CEMIP2: variants seen among roughly 807,000 people sequenced by gnomAD.
The protein encoded by CEMIP2 is cell surface hyaluronidase CEMIP2.
CEMIP2 carries 79 observed loss-of-function variants against 146.9 expected under a neutral mutation model. The ratio of observed to expected loss-of-function variants is 0.54; its 90% CI spans 0.45 to 0.65. The LOEUF is 0.65. Among genes scored for constraint, CEMIP2 ranks in the 30% least tolerant of loss-of-function variants. The pLI is 0.00. For missense variants in CEMIP2, 1,596 were observed against 1,696.2 expected (o/e 0.94, Z 1.04); for synonymous variants, 601 against 606.3 (o/e 0.99, Z 0.13).
rs1822181468 is a variant in CEMIP2 at position 71,690,114 on chromosome 9, A to C, written c.3829T>G (p.Leu1277Val). The C allele has an allele frequency of 5.6e-6, 9 of 1,614,102 alleles. No homozygotes were observed. The highest frequency in any genetic ancestry group is 7.6e-6 in the Non-Finnish European group (9 of 1,179,994). ...TACCTTGGAGGGATGCCTGTTTTTA[A>C]ATACTCTTCAATGCGACTGACATCA... is the stretch of plus-strand genomic sequence containing the variant. ...LADVSRIEEYLKTGIPPRSIV... is the reference protein window; with the variant it reads ...LADVSRIEEYVKTGIPPRSIV... The change falls in exon 22 of 24, where the codon TTA becomes GTA. Residue 1277 changes from leucine to valine, a missense_variant. Coordinates refer to ENST00000377044, the MANE Select transcript of CEMIP2 (RefSeq NM_013390.3).
chr9:71,746,248 C>G lies in CEMIP2; in HGVS notation c.425G>C (p.Arg142Pro), dbSNP rs200303233. 4 of 1,613,952 alleles carry G rather than the reference C, an allele frequency of 2.5e-6. No homozygotes were observed. Among genetic ancestry groups the G allele is most frequent in the Non-Finnish European group, 3.4e-6 (4 of 1,179,878 alleles). Residue 142 changes from arginine to proline, a missense_variant, in exon 3 of 24, where the codon CGT (arginine) becomes CCT (proline). Physicochemically the swap from Arg to Pro is moderately radical, Grantham distance 103. Transcript: ENST00000377044. Reference sequence around the variant, plus strand: ...ATGCACGGTGGCGTCTGAGGTCAGACGGAGCATATCTCCCTCCTTGATAAC... The same window carrying G: ...ATGCACGGTGGCGTCTGAGGTCAGAGGGAGCATATCTCCCTCCTTGATAAC... The part of the protein sequence containing the change: ...QVVIKEGDML[R>P]LTSDATVHSI...
At chr9:71,714,872 CT>C in intron 15 of CEMIP2, 61 bp downstream of exon 15, 1 of 1,549,982 alleles carries the variant, frequency 6.5e-7, no homozygotes, top group East Asian at 2.3e-5. Context: ...AGAAACTTCC[CT>C]GAGGGTTAGG....
chr9:71,760,201 G>A (rs1476095023), intron 1 of CEMIP2, among the ~76,000 whole-genome samples: 1 of 152,118 alleles, frequency 6.6e-6, no homozygotes, highest in African/African-American at 2.4e-5. Context: ...TAAATACTAA[G>A]AGTTTGCTTA....
At chr9:71,744,094 G>C (rs550331673) in intron 4 of CEMIP2, among the ~76,000 whole-genome samples, 1 of 152,324 alleles carries the variant, frequency 6.6e-6, no homozygotes, top group South Asian at 2.1e-4. Context: ...GCACAAGAAG[G>C]CTGGGTGTGG....
At chr9:71,742,011 G>A (rs187714615) in intron 4 of CEMIP2, among the ~76,000 whole-genome samples, 6 of 152,148 alleles carry the variant, frequency 3.9e-5, no homozygotes, top group Admixed American at 2.6e-4. Flanking sequence ...AGCAATCAAC[G>A]CAAAGGGACA....
At chr9:71,747,439 C>G (rs145477496) in intron 2 of CEMIP2, among the ~76,000 whole-genome samples, 111 of 152,258 alleles carry the variant, frequency 7.3e-4, no homozygotes, top group African/African-American at 2.6e-3. Context: ...GAACAGGTGA[C>G]TTGAGAGCTG....
intron 1 of CEMIP2, among the ~76,000 whole-genome samples, chr9:71,756,318 C>T (rs971187573): frequency 1.4e-5 from 2 of 146,222 alleles, no homozygotes; most frequent in Non-Finnish European, 3.0e-5. Flanking sequence ...TATATATGTG[C>T]GTGTGTATGT....
chr9:71,709,439 G>C lies in CEMIP2; in HGVS notation c.2805C>G (p.Pro935=), dbSNP rs1245119282. The part of the protein sequence containing the change: ...SLNVFFGKPG[P]WFEDCEMDGD... ...CATCCATCTCACAATCTTCAAACCA[G>C]GGACCAGGCTTTCCAAAAAAGACAT... The change falls in exon 17 of 24, where the codon CCC becomes CCG. Residue 935 remains proline (P), a synonymous_variant. Coordinates refer to ENST00000377044, the MANE Select transcript of CEMIP2 (RefSeq NM_013390.3). 6.2e-7 allele frequency: 1 copy of C among 1,614,042 alleles called. No individual in the cohort carries two copies. Among genetic ancestry groups the C allele is most frequent in the Non-Finnish European group, 8.5e-7 (1 of 1,180,028 alleles).
intron 16 of CEMIP2, among the ~76,000 whole-genome samples, chr9:71,710,016 A>G (rs1822862447): frequency 6.6e-6 from 1 of 152,220 alleles, no homozygotes; most frequent in Non-Finnish European, 1.5e-5. Context: ...AAATAAACAG[A>G]TAAGTACAGG....
At chr9:71,709,504 A>G in intron 16 of CEMIP2, 30 bp from the exon 17 acceptor site, 1 of 1,586,984 alleles carries the variant, frequency 6.3e-7, no homozygotes, top group South Asian at 1.1e-5. Flanking sequence ...AAGACATCAC[A>G]AAGTGAGGGC....
At chr9:71,757,536 G>A (rs1367385756) in intron 1 of CEMIP2, among the ~76,000 whole-genome samples, 3 of 152,076 alleles carry the variant, frequency 2.0e-5, no homozygotes, top group Non-Finnish European at 4.4e-5. Flanking sequence ...AAAACATGCA[G>A]CAAAAAGTAA....
chr9:71,693,221 A>G (rs1222008611), intron 21 of CEMIP2, among the ~76,000 whole-genome samples: 5 of 152,268 alleles, frequency 3.3e-5, no homozygotes, highest in African/African-American at 7.2e-5. Flanking sequence ...GCCCCTAAAA[A>G]GACCACATGA....
rs752419776 is a variant in CEMIP2 at position 71,685,268 on chromosome 9, C to A, written c.4081G>T (p.Gly1361Cys). 3 of 1,613,568 alleles carry A rather than the reference C, an allele frequency of 1.9e-6. No individual in the cohort carries two copies. Among genetic ancestry groups the A allele is most frequent in the East Asian group, 2.2e-5 (1 of 44,862 alleles). ...QFIPLQLDEYGCPRATTVRRR... is the reference protein window; with the variant it reads ...QFIPLQLDEYCCPRATTVRRR... ...CGGACAGTGGTGGCTCTGGGACAACCATATTCGTCCAGCTGCAAAGGTATG... is the reference window on the plus strand; with the variant it reads ...CGGACAGTGGTGGCTCTGGGACAACAATATTCGTCCAGCTGCAAAGGTATG... Residue 1361 changes from glycine (G) to cysteine (C), a missense_variant, in exon 24 of 24, where the codon GGT becomes TGT. Transcript: ENST00000377044.
chr9:71,765,613 C>T (rs72739815), intron 1 of CEMIP2, among the ~76,000 whole-genome samples: 10,445 of 152,238 alleles, frequency 0.069, 540 homozygotes, highest in South Asian at 0.17. Context: ...AATTTTATTT[C>T]TCACAAAATT....
At chr9:71,749,933 C>T in intron 2 of CEMIP2, 110 bp downstream of exon 2, 2 of 842,342 alleles carry the variant, frequency 2.4e-6, no homozygotes, top group South Asian at 3.7e-5. Context: ...TACCTAACTA[C>T]ATATTAGTTA....
At chr9:71,697,237 GC>G (rs1209762364) in intron 20 of CEMIP2, among the ~76,000 whole-genome samples, 1 of 152,136 alleles carries the variant, frequency 6.6e-6, no homozygotes, top group Non-Finnish European at 1.5e-5. Flanking sequence ...ATTTCCCTTA[GC>G]CCATATTTGT....
At chr9:71,749,937 T>G in intron 2 of CEMIP2, 106 bp downstream of exon 2, 1 of 893,618 alleles carries the variant, frequency 1.1e-6, no homozygotes. Context: ...TAACTACATA[T>G]TAGTTAGCTA....
chr9:71,745,293 G>A lies in CEMIP2; in HGVS notation c.759C>T (p.Pro253=). 1.2e-6 allele frequency: 2 copies of A among 1,613,870 alleles called. No homozygotes were observed. Among genetic ancestry groups the A allele is most frequent in the Non-Finnish European group, 1.7e-6 (2 of 1,179,906 alleles). ...LARTLNSSGL[P]FGSYTFEKDF... is the part of the protein sequence containing the mutation. The stretch of plus-strand genomic sequence containing the variant: ...CCTTTTCAAAGGTATAGGACCCAAA[G>A]GGCAAGCCTGAGGAATTCAGGGTCC... The change falls in exon 4 of 24, where the codon CCC becomes CCT. Residue 253 remains proline, a synonymous_variant. Coordinates refer to ENST00000377044, the MANE Select transcript of CEMIP2 (RefSeq NM_013390.3).
At chr9:71,714,526 G>C (rs1045947095) in intron 15 of CEMIP2, among the ~76,000 whole-genome samples, 1 of 151,974 alleles carries the variant, frequency 6.6e-6, no homozygotes, top group Non-Finnish European at 1.5e-5. Context: ...CCTTTTTCCA[G>C]TAGTTATTTC....
Sources: allele counts gnomAD v4.1 joint callset (sites outside exome capture counted in the v4.1 genomes callset), GRCh38; gene constraint gnomAD v4.1.1; transcripts MANE v1.5; gene names NCBI Gene and HGNC (gene_info 2026-07-23, HGNC 2026-07-21).